EBF4: variants seen among roughly 807,000 people sequenced by gnomAD.
EBF4 encodes EBF transcription factor 4, also known as transcription factor COE4.
A neutral mutation model predicts 67.1 loss-of-function variants in EBF4; 34 were observed. The ratio of observed to expected loss-of-function variants is 0.51; its 90% CI spans 0.39 to 0.67. The LOEUF (loss-of-function observed/expected upper bound fraction) is 0.67. EBF4 is among the 30% of genes least tolerant of loss of function. The probability of loss-of-function intolerance (pLI) is 0.00; values close to 1 mark genes in which losing one functional copy is unlikely to be tolerated. For synonymous variants in EBF4, 387 were observed against 377.7 expected, an observed-to-expected ratio of 1.02 and a Z score of -0.29; for missense variants, 837 against 873.3, an observed-to-expected ratio of 0.96 and a Z score of 0.52.
chr20:2,713,059 C>T (rs751942878), intron 6 of EBF4, among the ~76,000 whole-genome samples: 5 of 152,014 alleles, frequency 3.3e-5, no homozygotes, highest in Non-Finnish European at 7.4e-5. Context: ...GAGTTTTGCT[C>T]TAAAGAAATC....
chr20:2,712,541 A>G (rs1272243761), intron 6 of EBF4, among the ~76,000 whole-genome samples: 2 of 152,206 alleles, frequency 1.3e-5, no homozygotes, highest in Non-Finnish European at 2.9e-5. Flanking sequence ...TGGTTTGAGC[A>G]TGTTATGTTT....
intron 6 of EBF4, among the ~76,000 whole-genome samples, chr20:2,737,130 G>C (rs558850362): frequency 5.3e-5 from 8 of 151,664 alleles, no homozygotes; most frequent in Admixed American, 4.0e-4. Context: ...GGCGCCTGTA[G>C]TCCCAGCTAC....
At chr20:2,701,073 G>T (rs1163424053) in intron 1 of EBF4, among the ~76,000 whole-genome samples, 1 of 152,212 alleles carries the variant, frequency 6.6e-6, no homozygotes, top group Non-Finnish European at 1.5e-5. Flanking sequence ...GAAGGGGCGG[G>T]GGCCGTCATT....
rs550402541 is a variant in EBF4, at chr20:2,755,503, C to T, written c.1541-124C>T. The T allele has an allele frequency of 3.0e-5, 19 of 642,712 alleles. No homozygotes were observed. The East Asian group carries it at 4.9e-4, about 17-fold the overall frequency. The allele number at this position is 642,712 out of a possible 1,614,324, so 39.8% of individuals were successfully genotyped here. On this transcript the variant is annotated intron_variant, in intron 14 of 16. Coordinates refer to ENST00000609451, the Ensembl canonical transcript of EBF4. The surrounding 1 kb of genome is among the most constrained non-coding windows in gnomAD (Gnocchi z 4.7). ...CTCACAGCTCCCAGTGAGATCTGAG[C>T]CTGGTACCTGTGTCAGCAGCCCATG...
At chr20:2,736,370 G>A (rs1192445194) in intron 6 of EBF4, among the ~76,000 whole-genome samples, 1 of 152,140 alleles carries the variant, frequency 6.6e-6, no homozygotes, top group Non-Finnish European at 1.5e-5. Flanking sequence ...ACTCTATTGG[G>A]GGCAAATTTA....
intron 6 of EBF4, among the ~76,000 whole-genome samples, chr20:2,741,091 G>T (rs1399346416): frequency 6.6e-6 from 1 of 151,984 alleles, no homozygotes; most frequent in African/African-American, 2.4e-5. Flanking sequence ...CAGAAGGATC[G>T]CCTGAGCCCA....
intron 1 of EBF4, among the ~76,000 whole-genome samples, chr20:2,699,740 T>C (rs1293827421): frequency 6.6e-6 from 1 of 152,236 alleles, no homozygotes; most frequent in East Asian, 1.9e-4. Flanking sequence ...TGATGCTAAG[T>C]GAATAAGCTG....
Position 2,755,647 on chromosome 20 carries a change from C to G in EBF4, c.1561C>G (p.Leu521Val), listed in dbSNP as rs781300936. ...CGGAGTCATGCCCTCTAGCCCCCCG[C>G]TGGCGGCTGCCTCCTCCATGTCCCT... Residue 521 changes from leucine to valine, a missense_variant, in exon 15 of 17, where the codon CTG becomes GTG. Leu to Val is a conservative substitution (Grantham distance 32). Transcript: ENST00000609451. This position sits in a 1 kb window ranked among gnomAD's most constrained non-coding sequence, Gnocchi z 4.7. 6.5e-7 allele frequency: 1 copy of G among 1,543,094 alleles called. No homozygotes were observed. Among genetic ancestry groups the G allele is most frequent in the South Asian group, 1.2e-5 (1 of 83,876 alleles).
chr20:2,737,191 A>G (rs564408556), intron 6 of EBF4, among the ~76,000 whole-genome samples: 36 of 149,552 alleles, frequency 2.4e-4, no homozygotes, highest in East Asian at 2.0e-3. Flanking sequence ...CGGAGCTTGC[A>G]GTGAGCCGAG....
At position 2,744,487 on chromosome 20, in the gene EBF4, C is replaced by CTTTTTTTTTTTTTTTTT. The variant is rs778840182; in HGVS notation, c.558-4058_558-4057insTTTTTTTTTTTTTTTTT. ...TTTTTCTTTTCTTTTTTCTTTTTTTCTTTTCTTTTTTTTTTTTTTTTTGAG... is the reference window on the plus strand; with the variant it reads ...TTTTTCTTTTCTTTTTTCTTTTTTTCTTTTTTTTTTTTTTTTTTTTTCTTTTTTTTTTTTTTTTTGAG... On this transcript the variant is annotated intron_variant, in intron 6 of 16. Coordinates refer to ENST00000609451, the Ensembl canonical transcript of EBF4. Among the ~76,000 whole-genome samples the CTTTTTTTTTTTTTTTTT allele has an allele frequency of 2.2e-3, 240 of 111,406 alleles. 3 individuals carry two copies. Among genetic ancestry groups the CTTTTTTTTTTTTTTTTT allele is most frequent in the African/African-American group, 3.3e-3 (83 of 25,454 alleles). The allele number at this position is 111,406 out of a possible 152,430, so 73.1% of individuals were successfully genotyped here.
chr20:2,744,890 A>G, intron 6 of EBF4, among the ~76,000 whole-genome samples: 1 of 152,224 alleles, frequency 6.6e-6, no homozygotes, highest in Admixed American at 6.5e-5. Flanking sequence ...TATCTAAAAG[A>G]TGAGCATTCC....
At chr20:2,709,023 C>A (rs1190037432) in intron 5 of EBF4, among the ~76,000 whole-genome samples, 3 of 151,928 alleles carry the variant, frequency 2.0e-5, no homozygotes, top group African/African-American at 7.3e-5. Context: ...CCGTCTCTAC[C>A]AAAATTACAA....
chr20:2,752,533 T>C, exon 14 of EBF4: 1 of 1,248,524 alleles, frequency 8.0e-7, no homozygotes, highest in Non-Finnish European at 1.0e-6. Flanking sequence ...CACCGCCACC[T>C]CGCCCTTCGC....
At position 2,755,570 on chromosome 20, in the gene EBF4, G is replaced by T; in HGVS notation, c.1541-57G>T. ...CTGCTCACTCTGGTGCTGTCTCCCT[G>T]TTGTGTCTCCCACCACCTTCCCTGC... On this transcript the variant is annotated intron_variant, in intron 14 of 16. Transcript: ENST00000609451. This position sits in a 1 kb window ranked among gnomAD's most constrained non-coding sequence, Gnocchi z 4.7. 1.1e-6 allele frequency: 1 copy of T among 870,544 alleles called. No homozygotes were observed. Among genetic ancestry groups the T allele is most frequent in the Non-Finnish European group, 1.9e-6 (1 of 537,748 alleles). 53.9% of individuals were successfully genotyped at this position (870,544 alleles called of 1,614,324 possible). A position where few individuals can be genotyped will look rare whatever the true frequency, so the allele number is the denominator to read the frequency against.
chr20:2,742,700 C>T (rs941011308), intron 6 of EBF4, among the ~76,000 whole-genome samples: 7 of 152,114 alleles, frequency 4.6e-5, no homozygotes, highest in African/African-American at 1.7e-4. Flanking sequence ...CCACTCCCTG[C>T]CCCCTGCCCC....
At chr20:2,705,468 T>A in intron 1 of EBF4, 109 bp from the exon 2 acceptor site, 1 of 1,477,066 alleles carries the variant, frequency 6.8e-7, no homozygotes, top group Non-Finnish European at 9.2e-7. Flanking sequence ...CCCAAACTCT[T>A]GGCATCTTGG....
At chr20:2,737,823 A>G (rs1194218749) in intron 6 of EBF4, among the ~76,000 whole-genome samples, 1 of 151,518 alleles carries the variant, frequency 6.6e-6, no homozygotes, top group Non-Finnish European at 1.5e-5. Context: ...ATGTGAAAAA[A>G]AAAAAAAAAA....
intron 6 of EBF4, among the ~76,000 whole-genome samples, chr20:2,736,116 C>G (rs995142164): frequency 3.3e-5 from 5 of 152,164 alleles, no homozygotes; most frequent in African/African-American, 4.8e-5. Context: ...CTGTATCTGA[C>G]ATCACAGCTC....
chr20:2,734,768 A>G (rs1387356400), intron 6 of EBF4, among the ~76,000 whole-genome samples: 1 of 152,238 alleles, frequency 6.6e-6, no homozygotes, highest in Non-Finnish European at 1.5e-5. Flanking sequence ...TTGAATGCCA[A>G]TAAGTGTTCA....
Sources: allele counts gnomAD v4.1 joint callset (sites outside exome capture counted in the v4.1 genomes callset), GRCh38; gene constraint gnomAD v4.1.1; non-coding constraint Gnocchi (gnomAD v3.1); transcripts MANE v1.5; gene names NCBI Gene and HGNC (gene_info 2026-07-23, HGNC 2026-07-21).